The following RPS6KA2 variants were observed in gnomAD, a reference collection of about 807,000 sequenced individuals.
RPS6KA2 encodes ribosomal protein S6 kinase alpha-2.
In RPS6KA2, 42 loss-of-function variants were observed where a neutral mutation model predicts 91.8. That is an observed-to-expected ratio of 0.46 (90% CI 0.36 to 0.59). The LOEUF is 0.59. RPS6KA2 is among the 20% of genes least tolerant of loss of function. The probability of loss-of-function intolerance (pLI) is 0.00; values close to 1 mark genes in which losing one functional copy is unlikely to be tolerated. For synonymous variants in RPS6KA2, 414 were observed against 393.6 expected (o/e 1.05, Z -0.61); for missense variants, 798 against 978.5 (o/e 0.82, Z 2.46).
At chr6:166,760,008 A>G (rs1483903868) in intron 2 of RPS6KA2, among the ~76,000 whole-genome samples, 1 of 152,266 alleles carries the variant, frequency 6.6e-6, no homozygotes, top group Non-Finnish European at 1.5e-5. Context: ...AATATGTAGT[A>G]TTCAGGCTTG....
chr6:166,852,050 T>C lies in RPS6KA2; in HGVS notation c.123+6150A>G, dbSNP rs763496731. Among the ~76,000 whole-genome samples, 7 of 152,256 alleles carry C rather than the reference T, an allele frequency of 4.6e-5. No individual in the cohort carries two copies. Among genetic ancestry groups the C allele is most frequent in the Non-Finnish European group, 1.0e-4 (7 of 68,056 alleles). On this transcript the variant is annotated intron_variant, in intron 2 of 21. Coordinates refer to the RPS6KA2 transcript ENST00000503859. The surrounding 1 kb of genome is among the most constrained non-coding windows in gnomAD (Gnocchi z 4.1). ...ATTCTCACCCGCTCCACAGTGCGTCTAAACACAGATGGGCCTGCAGTGGCT... is the reference window on the plus strand; with the variant it reads ...ATTCTCACCCGCTCCACAGTGCGTCCAAACACAGATGGGCCTGCAGTGGCT...
chr6:166,787,232 T>C (rs962880993), intron 2 of RPS6KA2, among the ~76,000 whole-genome samples: 19 of 152,176 alleles, frequency 1.2e-4, no homozygotes, highest in African/African-American at 3.1e-4. Flanking sequence ...TGATGTATAA[T>C]TGAAAATTTA....
rs1008987142 is a variant in RPS6KA2, at chr6:166,831,385, A to G, written c.123+26815T>C. Among the ~76,000 whole-genome samples the G allele has an allele frequency of 3.9e-5, 6 of 152,090 alleles. No homozygotes were observed. The East Asian group carries it at 9.6e-4, about 24-fold the overall frequency. ...GCCATGATGACTATGGAGCTTCTCT[A>G]CTTCAACTTGAATTTGCCCTTCCTT... On this transcript the variant is annotated intron_variant, in intron 2 of 21. Transcript: ENST00000503859.
At chr6:166,785,896 TAGA>T (rs1371714903) in intron 2 of RPS6KA2, among the ~76,000 whole-genome samples, 2 of 152,240 alleles carry the variant, frequency 1.3e-5, no homozygotes, top group Non-Finnish European at 2.9e-5. Context: ...CTTTTTGTTC[TAGA>T]AGGTCAATAA....
chr6:166,647,758 A>G (rs1025208947), intron 2 of RPS6KA2, among the ~76,000 whole-genome samples: 10 of 152,058 alleles, frequency 6.6e-5, no homozygotes, highest in South Asian at 6.2e-4. Flanking sequence ...GCACACACAC[A>G]CACACGCACA....
intron 1 of RPS6KA2, among the ~76,000 whole-genome samples, chr6:166,582,639 A>G (rs763193): frequency 0.51 from 77,142 of 152,080 alleles, 19,938 homozygotes; most frequent in East Asian, 0.7. Flanking sequence ...ATGAAATGGC[A>G]TTTATTTTCT....
At chr6:166,765,404 C>T (rs1274329417) in intron 2 of RPS6KA2, among the ~76,000 whole-genome samples, 1 of 152,238 alleles carries the variant, frequency 6.6e-6, no homozygotes, top group Non-Finnish European at 1.5e-5. Flanking sequence ...CCCGCACCTG[C>T]TCCCACCTCC....
chr6:166,542,954 G>A (rs139117962), intron 1 of RPS6KA2, among the ~76,000 whole-genome samples: 19 of 152,286 alleles, frequency 1.2e-4, no homozygotes, highest in African/African-American at 4.1e-4. Context: ...TCTATAAATC[G>A]CAGATTCACA....
intron 10 of RPS6KA2, among the ~76,000 whole-genome samples, chr6:166,480,946 A>G (rs936583056): frequency 1.3e-5 from 2 of 152,192 alleles, no homozygotes; most frequent in African/African-American, 4.8e-5. Flanking sequence ...CCAATTTTAT[A>G]TACATATCTT....
intron 1 of RPS6KA2, among the ~76,000 whole-genome samples, chr6:166,594,703 C>A (rs989082678): frequency 6.6e-6 from 1 of 152,192 alleles, no homozygotes; most frequent in Admixed American, 6.5e-5. Flanking sequence ...ACCTCGTGAT[C>A]CGCCCGCCTC....
Position 166,767,403 on chromosome 6 carries a change from G to A in RPS6KA2, c.123+90797C>T, listed in dbSNP as rs988732875. Among the ~76,000 whole-genome samples, 23 of 152,158 alleles carry A rather than the reference G, an allele frequency of 1.5e-4. No homozygotes were observed. Among genetic ancestry groups the A allele is most frequent in the Admixed American group, 1.3e-3 (20 of 15,278 alleles). On this transcript the variant is annotated intron_variant, in intron 2 of 21. Transcript: ENST00000503859. This position sits in a 1 kb window ranked among gnomAD's most constrained non-coding sequence, Gnocchi z 4.6. ...GGATCAATGTGCTCCAGATCAATGC[G>A]GTCCAGAGGTGAAAGCGTGGTTAGA...
chr6:166,687,909 T>C (rs974681109), intron 2 of RPS6KA2, among the ~76,000 whole-genome samples: 19 of 152,074 alleles, frequency 1.2e-4, no homozygotes, highest in Admixed American at 4.6e-4. Flanking sequence ...CTGGAAGATA[T>C]GGGCAATGAG....
chr6:166,443,392 G>A (rs187056552), intron 14 of RPS6KA2, among the ~76,000 whole-genome samples: 6 of 152,268 alleles, frequency 3.9e-5, no homozygotes, highest in East Asian at 3.9e-4. Flanking sequence ...CTAGTGGCAC[G>A]GGACTTCTTA....
intron 1 of RPS6KA2, among the ~76,000 whole-genome samples, chr6:166,561,656 C>A (rs2128505798): frequency 6.6e-6 from 1 of 152,126 alleles, no homozygotes; most frequent in South Asian, 2.1e-4. Context: ...CTCTTGCTTT[C>A]AAGTTGTAGT....
At position 166,627,085 on chromosome 6, in the gene RPS6KA2, G is replaced by A; in HGVS notation, c.-66C>T. On this transcript the variant is annotated 5_prime_UTR_variant, in exon 1 of 21. Transcript: ENST00000265678. ...CGCGCATCCCCGGCATCCCAGGCGC[G>A]GGGCTCAGGTCCGCGGGCGGGCACG... 7.9e-7 allele frequency: 1 copy of A among 1,272,722 alleles called. No homozygotes were observed. 78.8% of individuals were successfully genotyped at this position (1,272,722 alleles called of 1,614,324 possible).
At chr6:166,622,577 A>G (rs1460232726) in intron 1 of RPS6KA2, among the ~76,000 whole-genome samples, 1 of 152,222 alleles carries the variant, frequency 6.6e-6, no homozygotes. Flanking sequence ...ATGCCCCAAG[A>G]ATAAGCCTTA....
At chr6:166,806,843 T>C (rs1282663194) in intron 2 of RPS6KA2, among the ~76,000 whole-genome samples, 1 of 152,214 alleles carries the variant, frequency 6.6e-6, no homozygotes, top group Non-Finnish European at 1.5e-5. Flanking sequence ...TACATAAAGA[T>C]GTGATTTTGT....
intron 2 of RPS6KA2, among the ~76,000 whole-genome samples, chr6:166,743,804 G>A (rs1178534538): frequency 1.3e-5 from 2 of 150,832 alleles, no homozygotes; most frequent in Non-Finnish European, 2.9e-5. Context: ...GTGCACAGCA[G>A]ACAGGGCTTT....
rs181703731 is a variant in RPS6KA2 at position 166,601,346 on chromosome 6, T to C, written c.99+25575A>G. On this transcript the variant is annotated intron_variant, in intron 1 of 20. Transcript: ENST00000265678. ...TTACAAAGCACTTCTACCTAAAACA[T>C]CTTATTTAATTTGAAAGTAAGTTAA... 1.7e-3 allele frequency among the ~76,000 whole-genome samples: 266 copies of C among 152,344 alleles called. 1 individual carries two copies. The highest frequency in any genetic ancestry group is 3.4e-3 in the Middle Eastern group (1 of 294).
Sources: gnomAD v4.1 joint callset for allele counts (sites outside exome capture counted in the v4.1 genomes callset) on GRCh38, gnomAD v4.1.1 for gene constraint, Gnocchi (gnomAD v3.1) non-coding constraint, MANE v1.5 for transcripts, NCBI Gene and HGNC (gene_info 2026-07-23, HGNC 2026-07-21) for gene names.